JPH3: variants seen among roughly 807,000 people sequenced by gnomAD.
The protein encoded by JPH3 is junctophilin-3.
A neutral mutation model predicts 59.6 loss-of-function variants in JPH3; 11 were observed. The observed-to-expected ratio is 0.18, with a 90% CI of 0.12 to 0.31. The LOEUF (loss-of-function observed/expected upper bound fraction) is 0.31. JPH3 is among the 10% of genes least tolerant of loss of function. The probability of loss-of-function intolerance (pLI) is 1.00; values close to 1 mark genes in which losing one functional copy is unlikely to be tolerated. For missense variants in JPH3, 1,202 were observed against 1,105.7 expected (o/e 1.09, Z -1.24); for synonymous variants, 673 against 483.6 (o/e 1.39, Z -5.14).
intron 1 of JPH3, among the ~76,000 whole-genome samples, chr16:87,606,348 A>G (rs1041229849): frequency 6.6e-6 from 1 of 152,268 alleles, no homozygotes; most frequent in Admixed American, 6.5e-5. Flanking sequence ...CGGCCAGCGT[A>G]TTCCACATGT....
rs1158055315 is a variant in JPH3, at chr16:87,696,992, C to T, written c.*332C>T. The T allele has an allele frequency of 5.8e-6, 2 of 347,356 alleles. No homozygotes were observed. Among genetic ancestry groups the T allele is most frequent in the African/African-American group, 4.2e-5 (2 of 47,350 alleles). 21.5% of individuals were successfully genotyped at this position (347,356 alleles called of 1,614,324 possible). On this transcript the variant is annotated 3_prime_UTR_variant, in exon 5 of 5. Transcript: ENST00000284262. ...ACAGCGGACGTTGTCCTCGTGGTCA[C>T]ACGTCCCGTCTTGGGTGTGGATGGA...
At chr16:87,615,227 T>C (rs1425843048) in intron 1 of JPH3, among the ~76,000 whole-genome samples, 1 of 152,210 alleles carries the variant, frequency 6.6e-6, no homozygotes, top group African/African-American at 2.4e-5. Context: ...CCCAGATTGA[T>C]CTCAGTTTGC....
At chr16:87,632,738 C>G (rs561277733) in intron 1 of JPH3, among the ~76,000 whole-genome samples, 1 of 152,124 alleles carries the variant, frequency 6.6e-6, no homozygotes, top group African/African-American at 2.4e-5. Flanking sequence ...ATTAAAAACA[C>G]AAAAATTAGC....
chr16:87,614,862 C>A (rs1353798686), intron 1 of JPH3, among the ~76,000 whole-genome samples: 2 of 141,984 alleles, frequency 1.4e-5, no homozygotes, highest in Admixed American at 7.3e-5. Context: ...AAACGCTGGT[C>A]CCTGCACACA....
rs995549378 is a variant in JPH3 at position 87,689,955 on chromosome 16, G to A, written c.1595G>A (p.Gly532Asp). The A allele has an allele frequency of 6.9e-7, 1 of 1,450,902 alleles. No homozygotes were observed. Among genetic ancestry groups the A allele is most frequent in the Non-Finnish European group, 9.0e-7 (1 of 1,105,256 alleles). The allele number at this position is 1,450,902 out of a possible 1,614,324, so 89.9% of individuals were successfully genotyped here. A position where few individuals can be genotyped will look rare whatever the true frequency, so the allele number is the denominator to read the frequency against. Residue 532 changes from glycine to aspartate, a missense_variant, in exon 4 of 5, where the codon GGC becomes GAC. By Grantham distance (94) the Gly-to-Asp change is moderately conservative. Coordinates refer to ENST00000284262, the MANE Select transcript of JPH3 (RefSeq NM_020655.4). ...GGGGACTGCGCCCGCAGCAGCTGGG[G>A]CGAGGAGCAGGCCGGGGGCTCCAGG... Reference protein sequence around the residue: ...RAGDCARSSWGEEQAGGSRGV... With the variant: ...RAGDCARSSWDEEQAGGSRGV...
intron 1 of JPH3, among the ~76,000 whole-genome samples, chr16:87,625,108 A>G (rs960870826): frequency 6.6e-6 from 1 of 152,166 alleles, no homozygotes; most frequent in African/African-American, 2.4e-5. Flanking sequence ...CTTATTTTAT[A>G]TACTTTTTAA....
In JPH3 at chr16:87,644,778, C is replaced by A. The variant is rs142274475; in HGVS notation, c.903C>A (p.Gly301=). The part of the protein sequence containing the change: ...EWKNDKRSGF[G]VSQRSDGLKY... The stretch of plus-strand genomic sequence containing the variant: ...AGAACGACAAACGCTCCGGCTTCGG[C>A]GTGAGCCAGCGCTCGGACGGGCTCA... The change falls in exon 2 of 5, where the codon GGC becomes GGA. Residue 301 remains glycine, a synonymous_variant. Coordinates refer to ENST00000284262, the MANE Select transcript of JPH3 (RefSeq NM_020655.4). The A allele has an allele frequency of 1.2e-3, 1,866 of 1,613,266 alleles. 17 individuals are homozygous for A. Among genetic ancestry groups the A allele is most frequent in the Non-Finnish European group, 1.4e-3 (1,658 of 1,179,898 alleles).
chr16:87,606,946 T>C (rs1042980045), intron 1 of JPH3, among the ~76,000 whole-genome samples: 1 of 152,154 alleles, frequency 6.6e-6, no homozygotes, highest in Non-Finnish European at 1.5e-5. Context: ...TTTTCCACAC[T>C]GGGAAGTGGA....
intron 1 of JPH3, among the ~76,000 whole-genome samples, chr16:87,639,993 CCT>C (rs2031890863): frequency 1.3e-5 from 2 of 152,184 alleles, no homozygotes; most frequent in African/African-American, 4.8e-5. Flanking sequence ...AGTGGGTGAG[CCT>C]CTCCTCTTTC....
chr16:87,641,047 G>T (rs111821070), intron 1 of JPH3, among the ~76,000 whole-genome samples: 1 of 152,222 alleles, frequency 6.6e-6, no homozygotes, highest in African/African-American at 2.4e-5. Context: ...TTTCCCCCCA[G>T]TGTGGTTCGC....
intron 2 of JPH3, among the ~76,000 whole-genome samples, chr16:87,648,637 G>A (rs2032231886): frequency 6.7e-6 from 1 of 148,296 alleles, no homozygotes; most frequent in African/African-American, 2.5e-5. Context: ...GTCCTGCACT[G>A]CTAAGGGGAC....
intron 2 of JPH3, among the ~76,000 whole-genome samples, chr16:87,677,183 T>TAC (rs1156601635): frequency 1.2e-3 from 89 of 75,932 alleles, no homozygotes; most frequent in East Asian, 9.4e-3. Context: ...ACTATATATA[T>TAC]ATACACACAC....
intron 2 of JPH3, among the ~76,000 whole-genome samples, chr16:87,648,344 A>C (rs912400162): frequency 1.3e-5 from 2 of 152,162 alleles, no homozygotes; most frequent in African/African-American, 4.8e-5. Flanking sequence ...CCAACCCTCC[A>C]CTGGAGCATG....
At chr16:87,624,675 C>T (rs2031307381) in intron 1 of JPH3, among the ~76,000 whole-genome samples, 1 of 152,242 alleles carries the variant, frequency 6.6e-6, no homozygotes, top group Non-Finnish European at 1.5e-5. Flanking sequence ...CTGCTGTGAC[C>T]ATTTGCGTCC....
rs566620850 is a variant in JPH3, at chr16:87,692,591, T to A, written c.2166+2065T>A. On this transcript the variant is annotated intron_variant, in intron 4 of 4. Coordinates refer to ENST00000284262, the MANE Select transcript of JPH3 (RefSeq NM_020655.4). ...GATGGGCCTGGGATTCTAGCCCACA[T>A]AGGGTCCCACTGGCCACAGATGGGC... Among the ~76,000 whole-genome samples, 5 of 113,352 alleles carry A rather than the reference T, an allele frequency of 4.4e-5. No homozygotes were observed. In the South Asian group the frequency reaches 1.5e-3, roughly 34 times the overall value. The allele number at this position is 113,352 out of a possible 152,430, so 74.4% of individuals were successfully genotyped here.
At chr16:87,671,356 G>A (rs757753804) in intron 2 of JPH3, among the ~76,000 whole-genome samples, 37 of 152,298 alleles carry the variant, frequency 2.4e-4, no homozygotes, top group African/African-American at 2.9e-4. Flanking sequence ...CAGGGGCCCC[G>A]AGGGCCTGGT....
intron 2 of JPH3, among the ~76,000 whole-genome samples, chr16:87,645,671 C>G (rs973742015): frequency 6.6e-6 from 1 of 152,184 alleles, no homozygotes; most frequent in Non-Finnish European, 1.5e-5. Flanking sequence ...CCAGAGGTGA[C>G]TGTGGGTGGG....
At chr16:87,665,363 AC>A (rs147492164) in intron 2 of JPH3, among the ~76,000 whole-genome samples, 4,137 of 152,220 alleles carry the variant, frequency 0.027, 214 homozygotes, top group African/African-American at 0.094. Context: ...GAGCCAGGTC[AC>A]CCTGGAGAAC....
At chr16:87,641,300 T>C (rs997520951) in intron 1 of JPH3, among the ~76,000 whole-genome samples, 1 of 152,166 alleles carries the variant, frequency 6.6e-6, no homozygotes, top group African/African-American at 2.4e-5. Context: ...GCCCCATCAC[T>C]GGAGTCGGAG....
Sources: allele counts gnomAD v4.1 joint callset (sites outside exome capture counted in the v4.1 genomes callset), GRCh38; gene constraint gnomAD v4.1.1; transcripts MANE v1.5; gene names NCBI Gene and HGNC (gene_info 2026-07-23, HGNC 2026-07-21).